The following RAPGEF4 variants were observed in gnomAD, a reference collection of about 807,000 sequenced individuals.
The protein encoded by RAPGEF4 is Rap guanine nucleotide exchange factor 4.
A neutral mutation model predicts 147.9 loss-of-function variants in RAPGEF4; 66 were observed. The ratio of observed to expected loss-of-function variants is 0.45; its 90% CI spans 0.37 to 0.55. RAPGEF4 has a LOEUF of 0.55. Among genes scored for constraint, RAPGEF4 ranks in the 20% least tolerant of loss-of-function variants. The pLI is 0.00. For missense variants in RAPGEF4, 1,071 were observed against 1,257.3 expected (o/e 0.85, Z 2.24); for synonymous variants, 419 against 442.7 (o/e 0.95, Z 0.67).
chr2:172,789,601 G>C (rs1685597666), intron 1 of RAPGEF4, among the ~76,000 whole-genome samples: 2 of 152,186 alleles, frequency 1.3e-5, no homozygotes, highest in East Asian at 1.9e-4. Flanking sequence ...CTCTAGGTCA[G>C]CTGATAATAA....
At chr2:172,897,596 C>T (rs1236233520) in intron 4 of RAPGEF4, among the ~76,000 whole-genome samples, 3 of 151,696 alleles carry the variant, frequency 2.0e-5, no homozygotes, top group Non-Finnish European at 4.4e-5. Flanking sequence ...GAGACAGAGT[C>T]TTGCTTTGTT....
Position 172,819,461 on chromosome 2 carries a change from C to CTTTT in RAPGEF4, c.444+5055_444+5058dup, listed in dbSNP as rs1242605865. On this transcript the variant is annotated intron_variant, in intron 4 of 30. Coordinates refer to ENST00000397081, the MANE Select transcript of RAPGEF4 (RefSeq NM_007023.4). ...AAGTCTTAGAATACCATTTTTAGTT[C>CTTTT]TTTTTTTTTTTTTTTTTTTTTTGAG... 1.8e-4 allele frequency among the ~76,000 whole-genome samples: 16 copies of CTTTT among 87,014 alleles called. 1 individual carries two copies. Among genetic ancestry groups the CTTTT allele is most frequent in the Middle Eastern group, 0.01 (1 of 98 alleles). The allele number at this position is 87,014 out of a possible 152,430, so 57.1% of individuals were successfully genotyped here.
chr2:172,745,254 T>C (rs752766538), intron 1 of RAPGEF4, among the ~76,000 whole-genome samples: 11 of 152,152 alleles, frequency 7.2e-5, no homozygotes, highest in Admixed American at 6.5e-5. Flanking sequence ...TAATGACAAA[T>C]TCAAACTGTA....
rs1461878369 is a variant in RAPGEF4, at chr2:172,841,805, CACACACACACACT to C, written c.444+27391_444+27403del. ...GTTGGCTGAATAACACACACACACA[CACACACACACACT>C]ACACACACACTACACACACACTACA... On this transcript the variant is annotated intron_variant, in intron 4 of 30. Coordinates refer to ENST00000397081, the MANE Select transcript of RAPGEF4 (RefSeq NM_007023.4). 2.5e-4 allele frequency among the ~76,000 whole-genome samples: 35 copies of C among 137,500 alleles called. 1 individual carries two copies. Among genetic ancestry groups the C allele is most frequent in the African/African-American group, 8.5e-4 (31 of 36,382 alleles). 90.2% of individuals were successfully genotyped at this position (137,500 alleles called of 152,430 possible). A position where few individuals can be genotyped will look rare whatever the true frequency, so the allele number is the denominator to read the frequency against.
intron 6 of RAPGEF4, 152 bp downstream of exon 6, chr2:172,922,452 C>T (rs1684866377): frequency 1.3e-6 from 1 of 797,680 alleles, no homozygotes; most frequent in Admixed American, 2.2e-5. Flanking sequence ...TGGCAAGTCA[C>T]TTTGAAATAG....
chr2:172,761,116 T>A (rs1240794483), intron 1 of RAPGEF4, among the ~76,000 whole-genome samples: 3 of 148,868 alleles, frequency 2.0e-5, no homozygotes, highest in African/African-American at 7.4e-5. Context: ...TTTTTTTTTT[T>A]AATTTTTTTT....
At chr2:172,741,831 C>T (rs1265506733) in intron 1 of RAPGEF4, among the ~76,000 whole-genome samples, 2 of 152,140 alleles carry the variant, frequency 1.3e-5, no homozygotes, top group Non-Finnish European at 1.5e-5. Flanking sequence ...ATCTCCATGC[C>T]TGGCTAATTT....
intron 6 of RAPGEF4, among the ~76,000 whole-genome samples, chr2:172,925,795 G>T (rs13001156): frequency 9.5e-6 from 1 of 105,246 alleles, no homozygotes; most frequent in Non-Finnish European, 2.2e-5. Context: ...GAGAGAGAGA[G>T]AGAAAGAAAG....
intron 1 of RAPGEF4, among the ~76,000 whole-genome samples, chr2:172,794,256 G>A (rs1458820700): frequency 3.4e-5 from 5 of 147,122 alleles, no homozygotes; most frequent in African/African-American, 1.3e-4. Flanking sequence ...GCGGGCGGCT[G>A]TATTCGCTTG....
chr2:172,958,468 T>C (rs1688962531), intron 6 of RAPGEF4, among the ~76,000 whole-genome samples: 1 of 152,234 alleles, frequency 6.6e-6, no homozygotes, highest in African/African-American at 2.4e-5. Context: ...CTCTGGGTGA[T>C]ATACTATCAA....
At chr2:172,991,836 G>A (rs528570521) in intron 15 of RAPGEF4, among the ~76,000 whole-genome samples, 5 of 152,278 alleles carry the variant, frequency 3.3e-5, no homozygotes, top group African/African-American at 1.2e-4. Flanking sequence ...AAAGTCTAAG[G>A]CCCAGACATT....
chr2:172,794,485 A>G (rs1686175411), intron 1 of RAPGEF4, among the ~76,000 whole-genome samples: 1 of 152,214 alleles, frequency 6.6e-6, no homozygotes, highest in Non-Finnish European at 1.5e-5. Context: ...AAACAGCCAA[A>G]TAAGAGCTGC....
At position 172,814,391 on chromosome 2, in the gene RAPGEF4, G is replaced by T. The variant is rs1688301239; in HGVS notation, c.410G>T (p.Arg137Leu). 2 of 1,614,090 alleles carry T rather than the reference G, an allele frequency of 1.2e-6. No individual in the cohort carries two copies. The highest frequency in any genetic ancestry group is 2.7e-5 in the African/African-American group (2 of 75,024). ...ACCAGGGAGAGCAGTGAACTGCTCCGCATCGAGCAGAAGGACTTCAAGGCA... is the reference window on the plus strand; with the variant it reads ...ACCAGGGAGAGCAGTGAACTGCTCCTCATCGAGCAGAAGGACTTCAAGGCA... ...IVTRESSELLRIEQKDFKALW... is the reference protein window; with the variant it reads ...IVTRESSELLLIEQKDFKALW... Residue 137 changes from arginine to leucine, a missense_variant, in exon 4 of 31, where the codon CGC (arginine) becomes CTC (leucine). Transcript: ENST00000397081.
chr2:172,951,011 T>A (rs993180766), intron 6 of RAPGEF4, among the ~76,000 whole-genome samples: 2 of 152,230 alleles, frequency 1.3e-5, no homozygotes, highest in Non-Finnish European at 2.9e-5. Flanking sequence ...TTAGGTAACA[T>A]CTCAGACCAA....
At chr2:173,012,967 A>AT (rs1360146705) in intron 17 of RAPGEF4, among the ~76,000 whole-genome samples, 11 of 152,216 alleles carry the variant, frequency 7.2e-5, no homozygotes, top group Admixed American at 7.2e-4. Flanking sequence ...AAAAGAAATA[A>AT]TTTTCACATA....
chr2:173,016,197 A>T (rs1259637324), intron 18 of RAPGEF4, 152 bp from the exon 19 acceptor site: 5 of 592,734 alleles, frequency 8.4e-6, no homozygotes, highest in African/African-American at 1.9e-5. Flanking sequence ...ATAGTGTAAC[A>T]TTTTCTTCTT....
intron 4 of RAPGEF4, among the ~76,000 whole-genome samples, chr2:172,853,643 T>C (rs1334783028): frequency 6.6e-6 from 1 of 152,000 alleles, no homozygotes; most frequent in Non-Finnish European, 1.5e-5. Context: ...ATCGCTTTTA[T>C]ACCTTTCTTC....
rs563098056 is a variant in RAPGEF4, at chr2:172,880,370, A to G, written c.445-37432A>G. Reference sequence around the variant, plus strand: ...CTCCCTGACACCTTCCTGAACTTCTATAAGTACACATTGCATAGTAATTCA... The same window carrying G: ...CTCCCTGACACCTTCCTGAACTTCTGTAAGTACACATTGCATAGTAATTCA... On this transcript the variant is annotated intron_variant, in intron 4 of 30. Transcript: ENST00000397081. 2.7e-4 allele frequency among the ~76,000 whole-genome samples: 41 copies of G among 152,370 alleles called. 1 individual carries two copies. The highest frequency in any genetic ancestry group is 1.1e-3 in the Admixed American group (17 of 15,308).
At chr2:172,828,223 A>G (rs1689892160) in intron 4 of RAPGEF4, among the ~76,000 whole-genome samples, 1 of 152,184 alleles carries the variant, frequency 6.6e-6, no homozygotes, top group South Asian at 2.1e-4. Context: ...GTAATTGCCA[A>G]GGAGAGTGAA....
Sources: allele counts gnomAD v4.1 joint callset (sites outside exome capture counted in the v4.1 genomes callset), GRCh38; gene constraint gnomAD v4.1.1; transcripts MANE v1.5; gene names NCBI Gene and HGNC (gene_info 2026-07-23, HGNC 2026-07-21).